TESK2: variants seen among roughly 807,000 people sequenced by gnomAD.
TESK2 encodes the protein dual specificity testis-specific protein kinase 2.
Under a neutral mutation model 57.1 loss-of-function variants are expected in TESK2, and 39 were observed. The ratio of observed to expected loss-of-function variants is 0.68; its 90% CI spans 0.53 to 0.89. The LOEUF is 0.89. TESK2 is among the 40% of genes least tolerant of loss of function. The probability of loss-of-function intolerance (pLI) is 0.00; values close to 1 mark genes in which losing one functional copy is unlikely to be tolerated. For missense variants in TESK2, 646 were observed against 732.1 expected (o/e 0.88, Z 1.36); for synonymous variants, 249 against 267.9 (o/e 0.93, Z 0.69).
chr1:45,369,344 C>T (rs1450074256), intron 4 of TESK2, among the ~76,000 whole-genome samples: 1 of 151,872 alleles, frequency 6.6e-6, no homozygotes, highest in Non-Finnish European at 1.5e-5. Context: ...ACTAAAAATA[C>T]AACAAAATTA....
intron 3 of TESK2, chr1:45,415,257 G>A: frequency 7.0e-7 from 1 of 1,429,450 alleles, no homozygotes; most frequent in South Asian, 1.1e-5. Flanking sequence ...AAGAAGGCAT[G>A]AATATTGTGG....
At chr1:45,357,242 T>TAA (rs1647469534) in intron 4 of TESK2, among the ~76,000 whole-genome samples, 3 of 150,604 alleles carry the variant, frequency 2.0e-5, no homozygotes, top group Admixed American at 2.0e-4. Context: ...AATAAATAAA[T>TAA]GTATGTATGT....
rs376690482 is a variant in TESK2 at position 45,395,192 on chromosome 1, C to T, written c.345-9232G>A. 5.3e-5 allele frequency among the ~76,000 whole-genome samples: 8 copies of T among 152,152 alleles called. No individual in the cohort carries two copies. In the East Asian group the frequency reaches 1.5e-3, roughly 29 times the overall value. On this transcript the variant is annotated intron_variant, in intron 3 of 10. Coordinates refer to ENST00000372086, the MANE Select transcript of TESK2 (RefSeq NM_007170.3). ...CATACCTTACTTAACGATGGGGATA[C>T]ATTCTGAGAAATGCATTCTTAGGTG...
intron 1 of TESK2, among the ~76,000 whole-genome samples, chr1:45,464,317 A>T (rs1354326481): frequency 2.6e-5 from 4 of 151,998 alleles, no homozygotes; most frequent in Non-Finnish European, 5.9e-5. Flanking sequence ...CCAGCTACTC[A>T]GGAGGCTGAG....
intron 4 of TESK2, among the ~76,000 whole-genome samples, chr1:45,372,123 C>T (rs1225718214): frequency 6.6e-6 from 1 of 152,028 alleles, no homozygotes; most frequent in Admixed American, 6.5e-5. Context: ...TGGCACACGC[C>T]TGTAGTATCA....
At chr1:45,430,406 G>A (rs182377031) in intron 2 of TESK2, among the ~76,000 whole-genome samples, 23 of 152,226 alleles carry the variant, frequency 1.5e-4, no homozygotes, top group Middle Eastern at 3.4e-3. Context: ...TGGGAGGATC[G>A]CTTGAGCCCA....
intron 2 of TESK2, among the ~76,000 whole-genome samples, chr1:45,424,549 T>C (rs1650609803): frequency 6.6e-6 from 1 of 152,222 alleles, no homozygotes; most frequent in Admixed American, 6.5e-5. Flanking sequence ...GAAACATTTA[T>C]AAACAAAGAG....
At chr1:45,478,193 T>A (rs1453760985) in intron 1 of TESK2, among the ~76,000 whole-genome samples, 1 of 152,216 alleles carries the variant, frequency 6.6e-6, no homozygotes, top group African/African-American at 2.4e-5. Context: ...TATCTATGCA[T>A]GTAATATTCT....
Position 45,389,859 on chromosome 1 carries a change from T to G in TESK2, c.345-3899A>C, listed in dbSNP as rs77030981. Among the ~76,000 whole-genome samples the G allele has an allele frequency of 6.4e-4, 98 of 152,308 alleles. No homozygotes were observed. In the East Asian group the frequency reaches 0.013, roughly 21 times the overall value. The stretch of plus-strand genomic sequence containing the variant: ...TGTATGCTCAAATAAAGGTCAGTGG[T>G]TTTTATTTTATCATTATTAACAATC... On this transcript the variant is annotated intron_variant, in intron 3 of 10. Coordinates refer to ENST00000372086, the MANE Select transcript of TESK2 (RefSeq NM_007170.3).
rs866468471 is a variant in TESK2, at chr1:45,346,090, G to A, written c.880-96C>T. The A allele has an allele frequency of 9.4e-6, 9 of 952,974 alleles. No individual in the cohort carries two copies. In the Middle Eastern group the frequency reaches 1.5e-3, roughly 161 times the overall value. 59.0% of individuals were successfully genotyped at this position (952,974 alleles called of 1,614,324 possible). ...TTCTGGCATCTTTGAAGATTCAGAT[G>A]TGCAGCTGAGAGACCTTTTCTAAAG... is the stretch of plus-strand genomic sequence containing the variant. On this transcript the variant is annotated intron_variant, in intron 9 of 10. Coordinates refer to ENST00000372086, the MANE Select transcript of TESK2 (RefSeq NM_007170.3).
At chr1:45,462,373 T>C (rs757305555) in intron 1 of TESK2, among the ~76,000 whole-genome samples, 2 of 151,980 alleles carry the variant, frequency 1.3e-5, no homozygotes, top group African/African-American at 4.8e-5. Flanking sequence ...CCCAGGTTCA[T>C]GCCATTCTCC....
intron 4 of TESK2, among the ~76,000 whole-genome samples, chr1:45,379,470 G>A (rs538910098): frequency 2.0e-5 from 3 of 152,110 alleles, no homozygotes; most frequent in Non-Finnish European, 2.9e-5. Flanking sequence ...CATGGCCTTG[G>A]CTTGCTCATT....
intron 5 of TESK2, 79 bp downstream of exon 5, chr1:45,355,224 T>C (rs1244875297): frequency 6.8e-7 from 1 of 1,479,946 alleles, no homozygotes. Context: ...TGTGATTAAA[T>C]GTTAAATCTA....
chr1:45,395,645 C>T (rs541443835), intron 3 of TESK2, among the ~76,000 whole-genome samples: 1 of 149,126 alleles, frequency 6.7e-6, no homozygotes, highest in South Asian at 2.1e-4. Context: ...CCCACTCTGT[C>T]ACCCAGGCTG....
chr1:45,489,559 G>T (rs144812573), intron 1 of TESK2, among the ~76,000 whole-genome samples: 56 of 152,352 alleles, frequency 3.7e-4, no homozygotes, highest in Admixed American at 1.6e-3. Flanking sequence ...GGAGGCCGAG[G>T]TGGGCGGATT....
intron 2 of TESK2, among the ~76,000 whole-genome samples, chr1:45,455,895 T>C (rs1408162405): frequency 9.9e-5 from 15 of 151,884 alleles, no homozygotes; most frequent in Admixed American, 9.9e-4. Flanking sequence ...TACCTATTAA[T>C]AAAAGAAACA....
At chr1:45,367,999 T>TC in intron 4 of TESK2, among the ~76,000 whole-genome samples, 1 of 149,006 alleles carries the variant, frequency 6.7e-6, no homozygotes, top group East Asian at 2.0e-4. Context: ...TTGAAATTTT[T>TC]TTTTTTTTTT....
chr1:45,439,949 G>GC (rs138786603), intron 2 of TESK2, among the ~76,000 whole-genome samples: 22 of 148,638 alleles, frequency 1.5e-4, no homozygotes, highest in African/African-American at 3.9e-4. Context: ...CAAAGCAAGC[G>GC]CCCCCCCACT....
chr1:45,354,810 AAAAAAATATATATATATATATATATAT>A (rs1470933653), intron 5 of TESK2, among the ~76,000 whole-genome samples: 2 of 56,258 alleles, frequency 3.6e-5, no homozygotes, highest in African/African-American at 1.7e-4. Flanking sequence ...AAAAAAAAAA[AAAAAAATATATATATATATATATATAT>A]ATATATATAT....
Sources: allele counts gnomAD v4.1 joint callset (sites outside exome capture counted in the v4.1 genomes callset), GRCh38; gene constraint gnomAD v4.1.1; transcripts MANE v1.5; gene names NCBI Gene and HGNC (gene_info 2026-07-23, HGNC 2026-07-21).